Variants in PRLR observed in about 807,000 individuals in gnomAD.
PRLR encodes hPRL receptor.
PRLR carries 13 observed loss-of-function variants against 40.2 expected under a neutral mutation model. That is an observed-to-expected ratio of 0.32 (90% CI 0.21 to 0.51). The LOEUF is 0.51. Ranked by LOEUF, PRLR falls within the 20% of genes least tolerant of loss-of-function variation. The pLI is 0.97. For missense variants in PRLR, 656 were observed against 747.3 expected, an observed-to-expected ratio of 0.88 and a Z score of 1.42; for synonymous variants, 269 against 278.7, an observed-to-expected ratio of 0.97 and a Z score of 0.35.
intron 1 of PRLR, among the ~76,000 whole-genome samples, chr5:35,122,983 G>A (rs548092485): frequency 6.6e-6 from 1 of 152,310 alleles, no homozygotes; most frequent in Admixed American, 6.5e-5. Flanking sequence ...TGTTGACTGG[G>A]AATGGGAGAC....
intron 1 of PRLR, chr5:35,130,302 C>T (rs922442909): frequency 1.3e-5 from 2 of 152,052 alleles, no homozygotes; most frequent in South Asian, 2.1e-4. Flanking sequence ...CAAAATGGCT[C>T]GATTCAAGGC....
chr5:35,093,187 G>A (rs1286860866), intron 2 of PRLR, among the ~76,000 whole-genome samples: 1 of 152,050 alleles, frequency 6.6e-6, no homozygotes, highest in Non-Finnish European at 1.5e-5. Flanking sequence ...GGAAAATCGG[G>A]GCCACACTCC....
At chr5:35,141,591 A>G (rs1398965093) in intron 1 of PRLR, among the ~76,000 whole-genome samples, 4 of 152,226 alleles carry the variant, frequency 2.6e-5, no homozygotes, top group Non-Finnish European at 5.9e-5. Flanking sequence ...GAAGAATGAA[A>G]GAATGTGTGG....
chr5:35,164,318 CA>C (rs1157541352), intron 1 of PRLR, among the ~76,000 whole-genome samples: 1 of 152,118 alleles, frequency 6.6e-6, no homozygotes, highest in African/African-American at 2.4e-5. Flanking sequence ...TAATTATAGG[CA>C]GTGGTAAGTT....
intron 1 of PRLR, among the ~76,000 whole-genome samples, chr5:35,193,446 G>C (rs1775658271): frequency 6.6e-6 from 1 of 152,156 alleles, no homozygotes; most frequent in Admixed American, 6.5e-5. Context: ...ATTTCATCCA[G>C]AGAAAGTAAA....
In PRLR at chr5:35,135,345, T is replaced by C. The variant is rs1054847805; in HGVS notation, c.-105-17223A>G. 7 of 152,292 alleles carry C rather than the reference T, an allele frequency of 4.6e-5. No individual in the cohort carries two copies. The East Asian group carries it at 1.3e-3, about 29-fold the overall frequency. 9.4% of individuals were successfully genotyped at this position (152,292 alleles called of 1,614,324 possible). A position where few individuals can be genotyped will look rare whatever the true frequency, so the allele number is the denominator to read the frequency against. On this transcript the variant is annotated intron_variant, in intron 1 of 9. Coordinates refer to ENST00000618457, the MANE Select transcript of PRLR (RefSeq NM_000949.7). ...CTTCCCCAGCACACGCATGTCCCAC[T>C]GTCTTGTCCTCGCGGCCTCTCCACT...
intron 1 of PRLR, among the ~76,000 whole-genome samples, chr5:35,140,503 C>T (rs1264344183): frequency 6.6e-6 from 1 of 152,214 alleles, no homozygotes; most frequent in Non-Finnish European, 1.5e-5. Context: ...TGGGTTGTCT[C>T]ATCCCTGGAT....
chr5:35,155,041 G>A (rs116475419), intron 1 of PRLR, among the ~76,000 whole-genome samples: 17 of 152,150 alleles, frequency 1.1e-4, no homozygotes, highest in Non-Finnish European at 2.1e-4. Flanking sequence ...ATGGATGCTG[G>A]GCTTAATACC....
Position 35,070,156 on chromosome 5 carries a change from C to T in PRLR, c.653G>A (p.Trp218Ter). 1 of 1,613,798 alleles carries T rather than the reference C, an allele frequency of 6.2e-7. No homozygotes were observed. The highest frequency in any genetic ancestry group is 8.5e-7 in the Non-Finnish European group (1 of 1,179,954). The part of the protein sequence containing the change: ...CKPDHGYWSA[W>*]SPATFIQIPS... ...TATCTGAATGAAGGTCGCTGGACTC[C>T]ATGCACTCCAGTATCCATGGTCTGG... Residue 218 changes from tryptophan (W) to a stop codon, truncating the protein, a stop_gained, in exon 7 of 10, where the codon TGG becomes TAG. Coordinates refer to ENST00000618457, the MANE Select transcript of PRLR (RefSeq NM_000949.7). LOFTEE classifies it high-confidence loss of function.
At chr5:35,121,235 TAGA>T (rs1476521872) in intron 1 of PRLR, among the ~76,000 whole-genome samples, 6 of 152,350 alleles carry the variant, frequency 3.9e-5, no homozygotes, top group African/African-American at 1.4e-4. Context: ...CTGAGTGTTT[TAGA>T]AGAATTTTCT....
At chr5:35,088,680 C>A (rs1771010723) in intron 3 of PRLR, among the ~76,000 whole-genome samples, 1 of 152,120 alleles carries the variant, frequency 6.6e-6, no homozygotes, top group South Asian at 2.1e-4. Context: ...TTTCTCAATG[C>A]ACAGAAACAC....
intron 5 of PRLR, chr5:35,081,922 C>G (rs1770549772): frequency 4.9e-6 from 1 of 202,968 alleles, no homozygotes; most frequent in Admixed American, 4.7e-5. Context: ...CTTTGTCAAG[C>G]CCATTTCCTG....
intron 1 of PRLR, among the ~76,000 whole-genome samples, chr5:35,201,081 T>C (rs1264409337): frequency 6.6e-6 from 1 of 152,184 alleles, no homozygotes; most frequent in Non-Finnish European, 1.5e-5. Context: ...GGCAAGTCAC[T>C]TAAGCCCCCA....
intron 2 of PRLR, among the ~76,000 whole-genome samples, chr5:35,096,896 A>T (rs187486853): frequency 6.6e-6 from 1 of 152,200 alleles, no homozygotes; most frequent in African/African-American, 2.4e-5. Flanking sequence ...CTGGGATTAC[A>T]GGCGTGAGCC....
In PRLR at chr5:35,065,273, G is replaced by A; in HGVS notation, c.1685C>T (p.Pro562Leu). ...VMDNNILVLV[P>L]DPHAKNVACF... Reference sequence around the variant, plus strand: ...AGCCACGTTTTTAGCATGTGGATCTGGCACCAACACCAGGATGTTGTTATC... The same window carrying A: ...AGCCACGTTTTTAGCATGTGGATCTAGCACCAACACCAGGATGTTGTTATC... The change falls in exon 10 of 10, where the codon CCA becomes CTA. Residue 562 changes from proline to leucine, a missense_variant. Coordinates refer to ENST00000618457, the MANE Select transcript of PRLR (RefSeq NM_000949.7). The A allele has an allele frequency of 1.2e-6, 2 of 1,614,104 alleles. No individual in the cohort carries two copies. The highest frequency in any genetic ancestry group is 1.7e-6 in the Non-Finnish European group (2 of 1,180,018).
chr5:35,102,060 C>T (rs1771917543), intron 2 of PRLR, among the ~76,000 whole-genome samples: 1 of 151,986 alleles, frequency 6.6e-6, no homozygotes. Flanking sequence ...CATCTCTTGA[C>T]CTCGTGATCT....
intron 1 of PRLR, among the ~76,000 whole-genome samples, chr5:35,123,363 GCTT>G (rs1773353024): frequency 6.6e-6 from 1 of 152,144 alleles, no homozygotes; most frequent in Non-Finnish European, 1.5e-5. Context: ...TGAGAACCAA[GCTT>G]CTTAATAGGG....
intron 1 of PRLR, among the ~76,000 whole-genome samples, chr5:35,227,490 A>G (rs1267722188): frequency 6.6e-6 from 1 of 152,208 alleles, no homozygotes; most frequent in African/African-American, 2.4e-5. Context: ...CAATCTTGCT[A>G]TGAGAATTAA....
chr5:35,207,240 T>C (rs1310196213), intron 1 of PRLR, among the ~76,000 whole-genome samples: 2 of 152,134 alleles, frequency 1.3e-5, no homozygotes, highest in Non-Finnish European at 2.9e-5. Context: ...ATTATCATTA[T>C]TTAAAGACAC....
Sources: allele counts gnomAD v4.1 joint callset (sites outside exome capture counted in the v4.1 genomes callset), GRCh38; gene constraint gnomAD v4.1.1; transcripts MANE v1.5; gene names NCBI Gene and HGNC (gene_info 2026-07-23, HGNC 2026-07-21).